Variants in SLC2A2 observed in about 807,000 individuals in gnomAD.
SLC2A2 encodes solute carrier family 2, facilitated glucose transporter member 2.
SLC2A2 carries 36 observed loss-of-function variants against 54.5 expected under a neutral mutation model. The observed-to-expected ratio is 0.66, with a 90% CI of 0.51 to 0.87. The LOEUF (loss-of-function observed/expected upper bound fraction) is 0.87, where lower values mean the gene tolerates loss of function less well. SLC2A2 is among the 40% of genes least tolerant of loss of function. The pLI, the probability that SLC2A2 is intolerant of heterozygous loss-of-function variation, is 0.00. For missense variants in SLC2A2, 543 were observed against 624.3 expected (o/e 0.87, Z 1.39); for synonymous variants, 223 against 219.1 (o/e 1.02, Z -0.16).
At chr3:171,008,699 C>T (rs994438862) in intron 4 of SLC2A2, among the ~76,000 whole-genome samples, 1 of 151,758 alleles carries the variant, frequency 6.6e-6, no homozygotes, top group Non-Finnish European at 1.5e-5. Context: ...ATAATTGGGA[C>T]TTCGTTCATA....
intron 8 of SLC2A2, among the ~76,000 whole-genome samples, chr3:171,000,546 C>T (rs1043422072): frequency 6.1e-5 from 9 of 148,606 alleles, no homozygotes; most frequent in Non-Finnish European, 1.3e-4. Context: ...CCCAGGGCCT[C>T]ACGCAAATCC....
At chr3:171,021,020 A>G (rs1716439083) in intron 1 of SLC2A2, among the ~76,000 whole-genome samples, 1 of 151,962 alleles carries the variant, frequency 6.6e-6, no homozygotes, top group South Asian at 2.1e-4. Flanking sequence ...TATATTATAC[A>G]TAAAATGCAT....
intron 3 of SLC2A2, among the ~76,000 whole-genome samples, chr3:171,010,724 T>C (rs1440938293): frequency 2.6e-5 from 4 of 152,244 alleles, no homozygotes; most frequent in African/African-American, 9.6e-5. Context: ...TAGAGAATTA[T>C]AATTATCTGT....
Position 170,996,604 on chromosome 3 carries a change from T to C in SLC2A2, c.*1299A>G, listed in dbSNP as rs1238424262. ...ACCCATCAGAACTATATTTCCATAA[T>C]TGTAAAATTGACTGTAAGCTAAAGT... On this transcript the variant is annotated 3_prime_UTR_variant, in exon 11 of 11. Transcript: ENST00000314251. 4 of 397,852 alleles carry C rather than the reference T, an allele frequency of 1.0e-5. No individual in the cohort carries two copies. The highest frequency in any genetic ancestry group is 1.8e-5 in the Non-Finnish European group (4 of 225,614). 24.6% of individuals were successfully genotyped at this position (397,852 alleles called of 1,614,324 possible).
intron 8 of SLC2A2, 65 bp from the exon 9 acceptor site, chr3:170,999,231 A>G: frequency 9.2e-7 from 1 of 1,082,534 alleles, no homozygotes; most frequent in African/African-American, 1.5e-5. Flanking sequence ...GTTTACTTAA[A>G]TCATTTTTAC....
intron 4 of SLC2A2, among the ~76,000 whole-genome samples, chr3:171,008,404 A>G (rs1715713557): frequency 6.6e-6 from 1 of 152,088 alleles, no homozygotes; most frequent in South Asian, 2.1e-4. Context: ...TGTAATAGCT[A>G]ATACTATACC....
chr3:171,010,927 T>G (rs1019949822), intron 3 of SLC2A2, among the ~76,000 whole-genome samples: 1 of 152,110 alleles, frequency 6.6e-6, no homozygotes, highest in Non-Finnish European at 1.5e-5. Context: ...AAAACCTTTT[T>G]TGCAGTCAAG....
chr3:171,017,767 T>C (rs1490746099), intron 2 of SLC2A2, among the ~76,000 whole-genome samples: 1 of 152,184 alleles, frequency 6.6e-6, no homozygotes, highest in Non-Finnish European at 1.5e-5. Context: ...CCCCGACTTA[T>C]GGGCTGTGGG....
At chr3:171,018,229 C>CTT in intron 2 of SLC2A2, among the ~76,000 whole-genome samples, 1 of 149,404 alleles carries the variant, frequency 6.7e-6, no homozygotes, top group African/African-American at 2.5e-5. Context: ...CTCTTTTTTT[C>CTT]TTTTTTTTTT....
In SLC2A2 at chr3:171,010,249, A is replaced by G. The variant is rs186973259; in HGVS notation, c.372-167T>C. Among the ~76,000 whole-genome samples, 3 of 152,226 alleles carry G rather than the reference A, an allele frequency of 2.0e-5. No individual in the cohort carries two copies. The East Asian group carries it at 5.8e-4, about 29-fold the overall frequency. On this transcript the variant is annotated intron_variant, in intron 3 of 10. Transcript: ENST00000314251. The stretch of plus-strand genomic sequence containing the variant: ...CCAAGATTGCTAATTTGACTCATCT[A>G]TGGACTAAAGTATTACTAATAAGCA...
chr3:171,005,523 A>C (rs769094215), intron 6 of SLC2A2, 51 bp from the exon 7 acceptor site: 2 of 1,455,972 alleles, frequency 1.4e-6, no homozygotes, highest in South Asian at 1.1e-5. Context: ...AACAAAAAGA[A>C]ATTTATTTTT....
Position 171,010,117 on chromosome 3 carries a change from C to G in SLC2A2, c.372-35G>C, listed in dbSNP as rs371618689. 5.6e-5 allele frequency: 90 copies of G among 1,603,670 alleles called. 1 individual carries two copies. Among genetic ancestry groups the G allele is most frequent in the Non-Finnish European group, 6.8e-5 (80 of 1,172,084 alleles). On this transcript the variant is annotated intron_variant, in intron 3 of 10. Transcript: ENST00000314251. ...TAAAAAGCAAGGAATATAAATTCAG[C>G]ATCAAAACTTGCTAAAATTATTCGC...
chr3:171,022,319 A>G (rs183946997), intron 1 of SLC2A2, among the ~76,000 whole-genome samples: 29 of 152,360 alleles, frequency 1.9e-4, no homozygotes, highest in Admixed American at 4.6e-4. Context: ...TAATCTTTAT[A>G]AATTAAAAAA....
intron 3 of SLC2A2, among the ~76,000 whole-genome samples, chr3:171,010,647 T>C (rs1377930364): frequency 3.9e-5 from 6 of 152,136 alleles, no homozygotes; most frequent in Non-Finnish European, 8.8e-5. Context: ...AAAGGAACTT[T>C]CAAAGTTAAA....
chr3:171,012,495 G>C (rs1160371500), intron 3 of SLC2A2, among the ~76,000 whole-genome samples: 2 of 152,108 alleles, frequency 1.3e-5, no homozygotes, highest in African/African-American at 2.4e-5. Flanking sequence ...CCGTACCCTG[G>C]TAATTAAACT....
chr3:171,012,587 C>G (rs1715944212), intron 3 of SLC2A2, among the ~76,000 whole-genome samples: 1 of 151,850 alleles, frequency 6.6e-6, no homozygotes, highest in African/African-American at 2.4e-5. Context: ...GACTATTACA[C>G]AATTGCAAGG....
At chr3:171,024,337 A>C (rs991560882) in intron 1 of SLC2A2, among the ~76,000 whole-genome samples, 4 of 152,184 alleles carry the variant, frequency 2.6e-5, no homozygotes, top group African/African-American at 9.7e-5. Flanking sequence ...AAGTACATGA[A>C]ATTATTCCTA....
At chr3:171,021,338 A>T (rs1166226609) in intron 1 of SLC2A2, among the ~76,000 whole-genome samples, 1 of 152,212 alleles carries the variant, frequency 6.6e-6, no homozygotes, top group Non-Finnish European at 1.5e-5. Context: ...CTCATGTGAG[A>T]TGCAACACAA....
At chr3:170,999,936 T>C (rs1715269566) in intron 8 of SLC2A2, among the ~76,000 whole-genome samples, 2 of 152,096 alleles carry the variant, frequency 1.3e-5, no homozygotes, top group African/African-American at 4.8e-5. Context: ...GACCAGAGTT[T>C]GTTATACTCT....
Sources: gnomAD v4.1 joint callset for allele counts (sites outside exome capture counted in the v4.1 genomes callset) on GRCh38, gnomAD v4.1.1 for gene constraint, MANE v1.5 for transcripts, NCBI Gene and HGNC (gene_info 2026-07-23, HGNC 2026-07-21) for gene names.